Variants in SPEN observed in about 807,000 individuals in gnomAD.
SPEN encodes the protein spen family transcriptional repressor, also known as msx2-interacting protein.
A neutral mutation model predicts 269.9 loss-of-function variants in SPEN; 18 were observed. The observed-to-expected ratio is 0.07, with a 90% CI of 0.05 to 0.10. SPEN has a LOEUF of 0.10. Ranked by LOEUF, SPEN falls within the 10% of genes least tolerant of loss-of-function variation. The pLI is 1.00. For missense variants in SPEN, 3,822 were observed against 4,631.2 expected, an observed-to-expected ratio of 0.83 and a Z score of 5.07; for synonymous variants, 1,726 against 1,765.7, an observed-to-expected ratio of 0.98 and a Z score of 0.56.
At chr1:15,861,934 C>G (rs1249506359) in intron 1 of SPEN, among the ~76,000 whole-genome samples, 43 of 152,122 alleles carry the variant, frequency 2.8e-4, no homozygotes, top group Admixed American at 2.8e-3. Context: ...CACAGCTACT[C>G]AGGAGGCTGA....
At chr1:15,897,602 T>A (rs907877634) in intron 3 of SPEN, among the ~76,000 whole-genome samples, 3 of 151,866 alleles carry the variant, frequency 2.0e-5, no homozygotes, top group Non-Finnish European at 4.4e-5. Flanking sequence ...CCTCAGGTGA[T>A]CCCCCCGCCT....
At chr1:15,849,866 G>A (rs2070315874) in intron 1 of SPEN, among the ~76,000 whole-genome samples, 1 of 152,120 alleles carries the variant, frequency 6.6e-6, no homozygotes, top group African/African-American at 2.4e-5. Context: ...GACTTTCTCT[G>A]TAGGTCTCTG....
Position 15,939,275 on chromosome 1 carries a change from T to G in SPEN, c.10864-21T>G. 6.5e-7 allele frequency: 1 copy of G among 1,548,620 alleles called. No individual in the cohort carries two copies. The highest frequency in any genetic ancestry group is 8.7e-7 in the Non-Finnish European group (1 of 1,144,836). On this transcript the variant is annotated intron_variant, in intron 14 of 14. Coordinates refer to ENST00000375759, the MANE Select transcript of SPEN (RefSeq NM_015001.3). This position sits in a 1 kb window ranked among gnomAD's most constrained non-coding sequence, Gnocchi z 4.1. ...GGGGTGAAGACAGACGGTCCCACTT[T>G]GCTCTCTATCCTGTCTCCAGCCTGC...
At chr1:15,901,895 T>C (rs2148724409) in intron 3 of SPEN, among the ~76,000 whole-genome samples, 1 of 151,558 alleles carries the variant, frequency 6.6e-6, no homozygotes, top group Non-Finnish European at 1.5e-5. Context: ...GTTTTATTTT[T>C]TGAAAACCTT....
chr1:15,930,807 C>G lies in SPEN; in HGVS notation c.4567C>G (p.Gln1523Glu), dbSNP rs1439195445. Residue 1523 changes from glutamine (Q) to glutamate (E), a missense_variant, in exon 11 of 15, where the codon CAG becomes GAG. Around this residue, in one of 16 missense-constraint regions of SPEN, gnomAD observed 533 missense variants for 618.8 expected, o/e 0.86. Transcript: ENST00000375759. This position sits in a 1 kb window ranked among gnomAD's most constrained non-coding sequence, Gnocchi z 5.3. ...EDHKEEEQER[Q>E]ELFASRFLHS... ...CCATAAAGAAGAAGAGCAAGAGAGG[C>G]AGGAATTGTTTGCTTCTCGTTTTTT... The G allele has an allele frequency of 6.2e-7, 1 of 1,614,110 alleles. No homozygotes were observed. The highest frequency in any genetic ancestry group is 8.5e-7 in the Non-Finnish European group (1 of 1,180,024).
intron 3 of SPEN, among the ~76,000 whole-genome samples, chr1:15,907,655 T>G (rs1299672974): frequency 1.3e-5 from 2 of 152,132 alleles, no homozygotes; most frequent in Non-Finnish European, 2.9e-5. Context: ...CAAAATGATT[T>G]GCTTGAAAAG....
At chr1:15,912,959 A>G (rs540707089) in intron 5 of SPEN, among the ~76,000 whole-genome samples, 1 of 152,358 alleles carries the variant, frequency 6.6e-6, no homozygotes, top group Admixed American at 6.5e-5. Flanking sequence ...TTTAGCACCT[A>G]GGAAATAGGC....
rs140024761 is a variant in SPEN, at chr1:15,931,575, G to A, written c.5335G>A (p.Ala1779Thr). ...ANEPKAEKPD[A>T]TADAEPDANQ... Reference sequence around the variant, plus strand: ...TGAGCCAAAGGCCGAAAAGCCAGACGCCACTGCAGATGCTGAGCCTGATGC... The same window carrying A: ...TGAGCCAAAGGCCGAAAAGCCAGACACCACTGCAGATGCTGAGCCTGATGC... Residue 1779 changes from alanine (A) to threonine (T), a missense_variant, in exon 11 of 15, where the codon GCC becomes ACC. Transcript: ENST00000375759. The surrounding 1 kb of genome is among the most constrained non-coding windows in gnomAD (Gnocchi z 4.8). 72 of 1,614,058 alleles carry A rather than the reference G, an allele frequency of 4.5e-5. No individual in the cohort carries two copies. The Middle Eastern group carries it at 4.9e-4, about 11-fold the overall frequency.
chr1:15,902,614 A>C (rs2070913500), intron 3 of SPEN, among the ~76,000 whole-genome samples: 2 of 152,222 alleles, frequency 1.3e-5, no homozygotes, highest in African/African-American at 4.8e-5. Context: ...ATTGGAGATC[A>C]GCCTGGGCAA....
chr1:15,908,908 C>T lies in SPEN; in HGVS notation c.882-413C>T, dbSNP rs79382192. Among the ~76,000 whole-genome samples the T allele has an allele frequency of 2.8e-4, 43 of 152,194 alleles. 1 individual carries two copies. The East Asian group carries it at 8.3e-3, about 29-fold the overall frequency. On this transcript the variant is annotated intron_variant, in intron 3 of 14. Transcript: ENST00000375759. Reference sequence around the variant, plus strand: ...TAAAATTATGATAGGAAACCCATTTCAAAGGTGTTAAGTGATTTGTCCACG... The same window carrying T: ...TAAAATTATGATAGGAAACCCATTTTAAAGGTGTTAAGTGATTTGTCCACG...
At chr1:15,907,892 T>C (rs1487897713) in intron 3 of SPEN, among the ~76,000 whole-genome samples, 1 of 152,212 alleles carries the variant, frequency 6.6e-6, no homozygotes, top group African/African-American at 2.4e-5. Context: ...AATAAACTTA[T>C]TTAAATGTAT....
intron 1 of SPEN, among the ~76,000 whole-genome samples, chr1:15,866,681 C>T (rs116748487): frequency 1.5e-4 from 23 of 152,260 alleles, no homozygotes; most frequent in African/African-American, 5.5e-4. Context: ...AAGAACAGCT[C>T]ATATATCCAT....
At position 15,931,508 on chromosome 1, in the gene SPEN, C is replaced by G. The variant is rs2071220766; in HGVS notation, c.5268C>G (p.Thr1756=). 5.6e-6 allele frequency: 9 copies of G among 1,614,020 alleles called. No homozygotes were observed. The highest frequency in any genetic ancestry group is 1.6e-4 in the Middle Eastern group (1 of 6,084). ...ACGTAGATCCAGAGCCTGACAGTAC[C>G]CAGCCACTTTCAAAACCAGCTCAGA... ...ESNVDPEPDS[T]QPLSKPAQKS... The change falls in exon 11 of 15, where the codon ACC becomes ACG. Residue 1756 remains threonine, a synonymous_variant. Transcript: ENST00000375759. The surrounding 1 kb of genome is among the most constrained non-coding windows in gnomAD (Gnocchi z 4.8).
intron 1 of SPEN, among the ~76,000 whole-genome samples, chr1:15,872,179 A>G (rs189817098): frequency 6.7e-6 from 1 of 148,760 alleles, no homozygotes; most frequent in African/African-American, 2.5e-5. Flanking sequence ...TGGAGGTTAC[A>G]GTAAGTGCAC....
At chr1:15,862,487 G>C (rs1457537271) in intron 1 of SPEN, among the ~76,000 whole-genome samples, 7 of 152,020 alleles carry the variant, frequency 4.6e-5, no homozygotes. Context: ...AGCACACTGT[G>C]AATTTTTTCC....
At chr1:15,908,279 G>T (rs920073742) in intron 3 of SPEN, among the ~76,000 whole-genome samples, 1 of 152,044 alleles carries the variant, frequency 6.6e-6, no homozygotes, top group African/African-American at 2.4e-5. Context: ...ACCCAGGCTG[G>T]TCTCAAACTC....
At chr1:15,884,404 G>A (rs1442159118) in intron 3 of SPEN, among the ~76,000 whole-genome samples, 1 of 152,140 alleles carries the variant, frequency 6.6e-6, no homozygotes, top group African/African-American at 2.4e-5. Context: ...CCAAGTTCAA[G>A]TAGAAAATTT....
In SPEN at chr1:15,873,545, T is replaced by A. The variant is rs1003605955; in HGVS notation, c.404+409T>A. On this transcript the variant is annotated intron_variant, in intron 2 of 14. Transcript: ENST00000375759. ...GAATATTAGAGCCTACAGATTCTTT[T>A]AGAAGTTGATATCTGCCTCTCCATT... The A allele has an allele frequency of 3.0e-6, 3 of 995,528 alleles. No homozygotes were observed. In the African/African-American group the frequency reaches 5.2e-5, roughly 17 times the overall value. The allele number at this position is 995,528 out of a possible 1,614,324, so 61.7% of individuals were successfully genotyped here.
chr1:15,856,565 C>CTTTTT, intron 1 of SPEN, among the ~76,000 whole-genome samples: 1 of 102,486 alleles, frequency 9.8e-6, no homozygotes, highest in Non-Finnish European at 2.1e-5. Flanking sequence ...CTGCCAGATA[C>CTTTTT]TTTTTTTTTT....
Sources: allele counts gnomAD v4.1 joint callset (sites outside exome capture counted in the v4.1 genomes callset), GRCh38; gene constraint gnomAD v4.1.1; regional missense constraint gnomAD v4.1.1; non-coding constraint Gnocchi (gnomAD v3.1); transcripts MANE v1.5; gene names NCBI Gene and HGNC (gene_info 2026-07-23, HGNC 2026-07-21).